The following EMX1 variants were observed in gnomAD, a reference collection of about 807,000 sequenced individuals.
EMX1 encodes the protein empty spiracles homeobox 1.
In EMX1, 10 loss-of-function variants were observed where a neutral mutation model predicts 20.1. The observed-to-expected ratio is 0.50, with a 90% CI of 0.31 to 0.84. The LOEUF (loss-of-function observed/expected upper bound fraction) is 0.84. Ranked by LOEUF, EMX1 falls within the 40% of genes least tolerant of loss-of-function variation. EMX1 has a pLI of 0.05. For synonymous variants in EMX1, 250 were observed against 200.4 expected (o/e 1.25, Z -2.09); for missense variants, 424 against 431.9 (o/e 0.98, Z 0.16).
chr2:72,921,767 A>G lies in EMX1; in HGVS notation c.521-2542A>G, dbSNP rs115841358. ...CACATGCTGTCTACCACAACTGGAC[A>G]TGACAATGACCTGGGGCCATTTTCT... is the stretch of plus-strand genomic sequence containing the variant. On this transcript the variant is annotated intron_variant, in intron 1 of 2. Coordinates refer to ENST00000258106, the MANE Select transcript of EMX1 (RefSeq NM_004097.3). Among the ~76,000 whole-genome samples the G allele has an allele frequency of 4.5e-3, 689 of 152,328 alleles. 6 individuals are homozygous for G. The highest frequency in any genetic ancestry group is 0.016 in the African/African-American group (646 of 41,564).
intron 1 of EMX1, chr2:72,923,835 C>T: frequency 4.3e-6 from 1 of 231,608 alleles, no homozygotes; most frequent in South Asian, 6.1e-5. Context: ...AGCCCTGCCT[C>T]TACCCTGGGT....
intron 1 of EMX1, among the ~76,000 whole-genome samples, chr2:72,919,180 T>TACACACACACACACAC (rs70963149): frequency 3.7e-4 from 53 of 142,608 alleles, no homozygotes; most frequent in African/African-American, 9.3e-4. Context: ...CCACTGGCCC[T>TACACACACACACACAC]ACACACACAC....
intron 2 of EMX1, among the ~76,000 whole-genome samples, chr2:72,932,387 G>T (rs891029182): frequency 6.6e-6 from 1 of 152,206 alleles, no homozygotes; most frequent in Non-Finnish European, 1.5e-5. Flanking sequence ...TTTCCTCTAT[G>T]CATGAAGGAC....
upstream of EMX1, chr2:72,916,628 G>A (rs1343869228): frequency 4.3e-6 from 3 of 692,680 alleles, no homozygotes; most frequent in African/African-American, 3.5e-5. Flanking sequence ...GAAGGTGAAG[G>A]TCGAGGGAGG....
In EMX1 at chr2:72,933,792, G is replaced by A; in HGVS notation, c.711G>A (p.Lys237=). The change falls in exon 3 of 3, where the codon AAG becomes AAA. Residue 237 remains lysine, a synonymous_variant. Coordinates refer to ENST00000258106, the MANE Select transcript of EMX1 (RefSeq NM_004097.3). ...GSLSLSETQV[K]VWFQNRRTKY... is the part of the protein sequence containing the mutation. ...CCCCTCCCTCCCTGGCCCAGGTGAA[G>A]GTGTGGTTCCAGAACCGGAGGACAA... The A allele has an allele frequency of 6.2e-7, 1 of 1,614,188 alleles. No individual in the cohort carries two copies. Among genetic ancestry groups the A allele is most frequent in the Non-Finnish European group, 8.5e-7 (1 of 1,180,024 alleles).
At chr2:72,932,700 C>A (rs1038156037) in intron 2 of EMX1, among the ~76,000 whole-genome samples, 1 of 152,186 alleles carries the variant, frequency 6.6e-6, no homozygotes, top group African/African-American at 2.4e-5. Flanking sequence ...GAACCATAGA[C>A]CTGCCCTCTG....
At chr2:72,917,042 G>T (rs1670976497), upstream of EMX1, 1 of 671,726 alleles carries the variant, frequency 1.5e-6, no homozygotes. Flanking sequence ...GCTTCAGACC[G>T]CGGCCCAGGA....
upstream of EMX1, chr2:72,916,284 T>C (rs913631523): frequency 4.7e-6 from 1 of 211,240 alleles, no homozygotes; most frequent in South Asian, 7.6e-5. Flanking sequence ...ACGGACCCCG[T>C]GGCCTTGGGG....
intron 2 of EMX1, chr2:72,925,572 G>A: frequency 7.8e-7 from 1 of 1,285,362 alleles, no homozygotes; most frequent in Non-Finnish European, 1.0e-6. Context: ...CTACCTCCCG[G>A]CTGACTTTTC....
At chr2:72,923,790 AC>A in intron 1 of EMX1, 1 of 203,956 alleles carries the variant, frequency 4.9e-6, no homozygotes, top group South Asian at 8.9e-5. Flanking sequence ...TGTGCCTAGC[AC>A]CCCGCTGCTC....
intron 2 of EMX1, 131 bp downstream of exon 2, chr2:72,924,624 C>T (rs1671163243): frequency 8.8e-7 from 1 of 1,134,194 alleles, no homozygotes; most frequent in Non-Finnish European, 1.2e-6. Context: ...CCATTCCCCG[C>T]GGCGCTGCGG....
rs181905188 is a variant in EMX1, at chr2:72,926,110, G to A, written c.705+1617G>A. 5.5e-3 allele frequency: 5,370 copies of A among 984,348 alleles called. 16 individuals are homozygous for A. The highest frequency in any genetic ancestry group is 6.6e-3 in the Admixed American group (108 of 16,286). The allele number at this position is 984,348 out of a possible 1,614,324, so 61.0% of individuals were successfully genotyped here. A position where few individuals can be genotyped will look rare whatever the true frequency, so the allele number is the denominator to read the frequency against. On this transcript the variant is annotated intron_variant, in intron 2 of 2. Coordinates refer to ENST00000258106, the MANE Select transcript of EMX1 (RefSeq NM_004097.3). ...CAGTAATATTTATTAAATTTTAATTGCAGAACTGTAAGAAAACAAAAATGG... is the reference window on the plus strand; with the variant it reads ...CAGTAATATTTATTAAATTTTAATTACAGAACTGTAAGAAAACAAAAATGG...
chr2:72,919,297 G>A (rs1392102374), intron 1 of EMX1, among the ~76,000 whole-genome samples: 1 of 151,074 alleles, frequency 6.6e-6, no homozygotes, highest in Non-Finnish European at 1.5e-5. Context: ...ATTTGTTGGA[G>A]TTTGTTTTTT....
chr2:72,932,948 G>C (rs1671307952), intron 2 of EMX1: 1 of 152,292 alleles, frequency 6.6e-6, no homozygotes, highest in Non-Finnish European at 1.5e-5. Context: ...GCCCGTGAAG[G>C]GCAGAATGCT....
chr2:72,916,406 G>A, upstream of EMX1: 2 of 480,582 alleles, frequency 4.2e-6, no homozygotes, highest in Non-Finnish European at 3.7e-6. Context: ...TCCGCAGTGC[G>A]CCGGCAAGGT....
At position 72,930,081 on chromosome 2, in the gene EMX1, G is replaced by A. The variant is rs1356888391; in HGVS notation, c.706-3706G>A. 6.6e-6 allele frequency among the ~76,000 whole-genome samples: 1 copy of A among 152,216 alleles called. No individual in the cohort carries two copies. Among genetic ancestry groups the A allele is most frequent in the Non-Finnish European group, 1.5e-5 (1 of 68,046 alleles). ...TTGAGCACTTCTCAAAGCCTTTGCT[G>A]ATTAGAATTCTACCCCTCTTCTGTT... On this transcript the variant is annotated intron_variant, in intron 2 of 2. Coordinates refer to ENST00000258106, the MANE Select transcript of EMX1 (RefSeq NM_004097.3). This position sits in a 1 kb window ranked among gnomAD's most constrained non-coding sequence, Gnocchi z 4.4.
chr2:72,927,979 A>G (rs1194339871), intron 2 of EMX1, among the ~76,000 whole-genome samples: 3 of 152,240 alleles, frequency 2.0e-5, no homozygotes, highest in African/African-American at 7.2e-5. Context: ...GTTTGTGGAT[A>G]AAACTTCTCG....
chr2:72,920,255 C>T (rs1461349209), intron 1 of EMX1, among the ~76,000 whole-genome samples: 22 of 152,238 alleles, frequency 1.4e-4, no homozygotes, highest in Non-Finnish European at 2.9e-5. Flanking sequence ...AAATCCTTCG[C>T]AAAACCCTCT....
intron 2 of EMX1, among the ~76,000 whole-genome samples, chr2:72,927,949 T>C (rs2105269079): frequency 6.6e-6 from 1 of 152,314 alleles, no homozygotes; most frequent in Non-Finnish European, 1.5e-5. Flanking sequence ...TGATTGTTGA[T>C]TTAGATTATG....
Sources: gnomAD v4.1 joint callset for allele counts (sites outside exome capture counted in the v4.1 genomes callset) on GRCh38, gnomAD v4.1.1 for gene constraint, Gnocchi (gnomAD v3.1) non-coding constraint, MANE v1.5 for transcripts, NCBI Gene and HGNC (gene_info 2026-07-23, HGNC 2026-07-21) for gene names.